ANKRD30A: variants seen among roughly 807,000 people sequenced by gnomAD.
ANKRD30A encodes the protein ankyrin repeat domain 30A, also known as ankyrin repeat domain-containing protein 30A.
ANKRD30A carries 170 observed loss-of-function variants against 166.3 expected under a neutral mutation model. The observed-to-expected ratio is 1.02, with a 90% CI of 0.90 to 1.16. ANKRD30A has a LOEUF of 1.16. ANKRD30A is among the 50% of genes most tolerant of loss of function. ANKRD30A has a pLI of 0.00. For missense variants in ANKRD30A, 1,630 were observed against 1,518.0 expected, an observed-to-expected ratio of 1.07 and a Z score of -1.23; for synonymous variants, 564 against 508.9, an observed-to-expected ratio of 1.11 and a Z score of -1.46.
At chr10:37,227,084 T>A (rs1843193099) in intron 34 of ANKRD30A, among the ~76,000 whole-genome samples, 1 of 151,906 alleles carries the variant, frequency 6.6e-6, no homozygotes, top group Non-Finnish European at 1.5e-5. Context: ...AGAAATACAG[T>A]TATCAAATAT....
intron 5 of ANKRD30A, among the ~76,000 whole-genome samples, chr10:37,135,588 AC>A (rs1836631005): frequency 1.3e-5 from 2 of 152,232 alleles, no homozygotes; most frequent in African/African-American, 4.8e-5. Context: ...CTTACAAAAA[AC>A]AGTGGTGGGT....
At chr10:37,128,101 G>A (rs141514046) in intron 1 of ANKRD30A, among the ~76,000 whole-genome samples, 11 of 152,068 alleles carry the variant, frequency 7.2e-5, no homozygotes, top group Admixed American at 2.6e-4. Context: ...AATGTATTTT[G>A]GTGTACCAAC....
At chr10:37,232,684 ATATATATAT>A, downstream of ANKRD30A, 2 of 8,320 alleles carry the variant, frequency 2.4e-4, no homozygotes, top group Non-Finnish European at 1.2e-3. Context: ...ATATATATAT[ATATATATAT>A]AAATAGAGAG....
At chr10:37,201,506 A>G (rs1841625043) in intron 31 of ANKRD30A, among the ~76,000 whole-genome samples, 181 bp downstream of exon 31, 1 of 152,040 alleles carries the variant, frequency 6.6e-6, no homozygotes, top group Admixed American at 6.6e-5. Context: ...CTATATTGAG[A>G]GTGCTGAGAA....
rs1564602595 is a variant in ANKRD30A, at chr10:37,231,169, G to C, written c.4186-292G>C. 4.0e-5 allele frequency among the ~76,000 whole-genome samples: 6 copies of C among 151,544 alleles called. No homozygotes were observed. The South Asian group carries it at 1.2e-3, about 31-fold the overall frequency. On this transcript the variant is annotated intron_variant, in intron 34 of 35. Coordinates refer to ENST00000361713, the MANE Select transcript of ANKRD30A (RefSeq NM_052997.3). ...TAGTTTTTTAATTGCACATATTCAA[G>C]AAATACAACATGATGTTTTGATATA...
intron 13 of ANKRD30A, among the ~76,000 whole-genome samples, chr10:37,154,562 A>G (rs1156390669): frequency 6.6e-6 from 1 of 152,184 alleles, no homozygotes; most frequent in Non-Finnish European, 1.5e-5. Flanking sequence ...GGGCAATGCA[A>G]TAGAAATTAT....
At chr10:37,238,871 G>A in the ANKRD30A span, among the ~76,000 whole-genome samples, 1 of 151,970 alleles carries the variant, frequency 6.6e-6, no homozygotes, top group Non-Finnish European at 1.5e-5. Context: ...CTCTAGTAAT[G>A]TGTATTGTCA....
chr10:37,178,874 A>T, intron 24 of ANKRD30A, among the ~76,000 whole-genome samples: 1 of 150,832 alleles, frequency 6.6e-6, no homozygotes, highest in Non-Finnish European at 1.5e-5. Context: ...GAGTGAGCTC[A>T]CTTCGGAAGC....
intron 13 of ANKRD30A, 124 bp from the exon 14 acceptor site, chr10:37,158,268 A>G: frequency 7.0e-7 from 1 of 1,428,182 alleles, no homozygotes; most frequent in African/African-American, 1.4e-5. Context: ...AGACCCCAAA[A>G]CATAGTGTAA....
chr10:37,196,137 A>G lies in ANKRD30A; in HGVS notation c.2615-1144A>G, dbSNP rs368119957. Among the ~76,000 whole-genome samples, 150 of 139,784 alleles carry G rather than the reference A, an allele frequency of 1.1e-3. 1 individual carries two copies. Among genetic ancestry groups the G allele is most frequent in the African/African-American group, 3.2e-3 (116 of 36,560 alleles). The allele number at this position is 139,784 out of a possible 152,430, so 91.7% of individuals were successfully genotyped here. On this transcript the variant is annotated intron_variant, in intron 27 of 35. Coordinates refer to ENST00000361713, the MANE Select transcript of ANKRD30A (RefSeq NM_052997.3). ...TGTAGTAGAAGCATTCTAGGCAGGT[A>G]ACAGGGGACAAACAAGAAAGAATGT...
At position 37,149,663 on chromosome 10, in the gene ANKRD30A, A is replaced by T. The variant is rs369532435; in HGVS notation, c.1556A>T (p.Lys519Met). 230 of 1,612,468 alleles carry T rather than the reference A, an allele frequency of 1.4e-4. No individual in the cohort carries two copies. The highest frequency in any genetic ancestry group is 1.7e-4 in the Middle Eastern group (1 of 6,054). Reference protein sequence around the residue: ...INREVEEPPKKPSAFKPAIEM... With the variant: ...INREVEEPPKMPSAFKPAIEM... ...TTTTGCTTTTTAGAGCCTCCTAAGAAGCCATCTGCCTTCAAGGTATTTAGT... is the reference window on the plus strand; with the variant it reads ...TTTTGCTTTTTAGAGCCTCCTAAGATGCCATCTGCCTTCAAGGTATTTAGT... Residue 519 changes from lysine (K) to methionine (M), a missense_variant, in exon 10 of 36, where the codon AAG (lysine) becomes ATG (methionine). Lys to Met is a moderately conservative substitution (Grantham distance 95). Around this residue, in one of 4 missense-constraint regions of ANKRD30A, gnomAD observed 904 missense variants for 818.5 expected, o/e 1.10. Coordinates refer to ENST00000361713, the MANE Select transcript of ANKRD30A (RefSeq NM_052997.3).
At chr10:37,194,041 C>A (rs1474457250) in intron 27 of ANKRD30A, among the ~76,000 whole-genome samples, 2 of 151,976 alleles carry the variant, frequency 1.3e-5, no homozygotes, top group African/African-American at 4.8e-5. Flanking sequence ...CTAAACATAA[C>A]AAAAAGTAGC....
chr10:37,213,541 T>C (rs1234520624), intron 31 of ANKRD30A, among the ~76,000 whole-genome samples: 2 of 137,064 alleles, frequency 1.5e-5, no homozygotes, highest in African/African-American at 5.1e-5. Context: ...CTGAGTTTAC[T>C]TTTTTCTTCT....
Position 37,125,651 on chromosome 10 carries a change from C to G in ANKRD30A, c.-137C>G, listed in dbSNP as rs1835948305. 1.0e-5 allele frequency: 4 copies of G among 388,302 alleles called. No individual in the cohort carries two copies. The South Asian group carries it at 1.2e-4, about 12-fold the overall frequency. 24.1% of individuals were successfully genotyped at this position (388,302 alleles called of 1,614,324 possible). On this transcript the variant is annotated 5_prime_UTR_variant, in exon 1 of 36. Coordinates refer to ENST00000361713, the MANE Select transcript of ANKRD30A (RefSeq NM_052997.3). The stretch of plus-strand genomic sequence containing the variant: ...GAGGCCTGAGTGTGCAAGAGCTTGG[C>G]GAACACAGAACTTTTTACGGGTATC...
chr10:37,133,378 G>C (rs1442538837), intron 4 of ANKRD30A, among the ~76,000 whole-genome samples: 2 of 152,122 alleles, frequency 1.3e-5, no homozygotes, highest in African/African-American at 4.8e-5. Context: ...TACCAAGTAT[G>C]ATTTTCTATA....
chr10:37,221,548 A>G (rs1242197462), intron 34 of ANKRD30A, among the ~76,000 whole-genome samples: 11 of 151,306 alleles, frequency 7.3e-5, no homozygotes, highest in Admixed American at 4.6e-4. Flanking sequence ...TATGATACTA[A>G]CTTCCATGGG....
At chr10:37,141,539 C>T (rs1313324422) in intron 6 of ANKRD30A, among the ~76,000 whole-genome samples, 179 bp from the exon 7 acceptor site, 1 of 139,984 alleles carries the variant, frequency 7.1e-6, no homozygotes, top group Non-Finnish European at 1.5e-5. Flanking sequence ...CACCACTGCA[C>T]TCCAGCATGG....
chr10:37,136,245 C>T (rs1836676915), intron 5 of ANKRD30A, among the ~76,000 whole-genome samples: 1 of 152,154 alleles, frequency 6.6e-6, no homozygotes, highest in African/African-American at 2.4e-5. Flanking sequence ...CTAAAATCCT[C>T]ATTTTTAGAA....
At chr10:37,260,337 A>G in the ANKRD30A span, among the ~76,000 whole-genome samples, 1 of 152,062 alleles carries the variant, frequency 6.6e-6, no homozygotes, top group African/African-American at 2.4e-5. Flanking sequence ...CCTTTTAATA[A>G]AGTCCTGCCT....
Sources: gnomAD v4.1 joint callset for allele counts (sites outside exome capture counted in the v4.1 genomes callset) on GRCh38, gnomAD v4.1.1 for gene constraint, gnomAD v4.1.1 regional missense constraint, MANE v1.5 for transcripts, NCBI Gene and HGNC (gene_info 2026-07-23, HGNC 2026-07-21) for gene names.